Variants in BACE2 observed in about 807,000 individuals in gnomAD.
BACE2 encodes 56 kDa aspartic-like protease.
Under a neutral mutation model 46.2 loss-of-function variants are expected in BACE2, and 17 were observed. That is an observed-to-expected ratio of 0.37 (90% CI 0.25 to 0.55). The LOEUF (loss-of-function observed/expected upper bound fraction) is 0.55, where lower values mean the gene tolerates loss of function less well. Ranked by LOEUF, BACE2 falls within the 20% of genes least tolerant of loss-of-function variation. The pLI is 0.82. For missense variants in BACE2, 595 were observed against 698.1 expected, an observed-to-expected ratio of 0.85 and a Z score of 1.66; for synonymous variants, 277 against 295.9, an observed-to-expected ratio of 0.94 and a Z score of 0.66.
intron 8 of BACE2, among the ~76,000 whole-genome samples, chr21:41,262,440 A>G (rs886104921): frequency 6.6e-6 from 1 of 151,056 alleles, no homozygotes; most frequent in Non-Finnish European, 1.5e-5. Context: ...AGTTTTATTT[A>G]TTTTTTTTTA....
intron 1 of BACE2, among the ~76,000 whole-genome samples, chr21:41,170,957 G>A (rs1281342663): frequency 6.6e-6 from 1 of 152,140 alleles, no homozygotes; most frequent in Non-Finnish European, 1.5e-5. Flanking sequence ...ACTGAAGCTC[G>A]GAGAGACTGA....
At chr21:41,227,844 G>A (rs1039984210) in intron 2 of BACE2, among the ~76,000 whole-genome samples, 1 of 152,144 alleles carries the variant, frequency 6.6e-6, no homozygotes, top group Admixed American at 6.5e-5. Context: ...CAGAGGTTTG[G>A]TTTACGATGG....
intron 1 of BACE2, chr21:41,181,665 T>C (rs1215031643): frequency 2.4e-5 from 4 of 166,946 alleles, no homozygotes; most frequent in African/African-American, 9.7e-5. Flanking sequence ...ATTCCGATAA[T>C]AGTGGTCAGG....
intron 2 of BACE2, among the ~76,000 whole-genome samples, chr21:41,232,125 G>C (rs1038067402): frequency 1.3e-5 from 2 of 151,690 alleles, no homozygotes; most frequent in Non-Finnish European, 2.9e-5. Flanking sequence ...ATAGAAGTTC[G>C]GTCTTTCAGT....
intron 2 of BACE2, among the ~76,000 whole-genome samples, chr21:41,232,690 C>G (rs1318354350): frequency 1.3e-5 from 2 of 152,084 alleles, no homozygotes; most frequent in Non-Finnish European, 2.9e-5. Context: ...TACTGTGTCC[C>G]CCTTCGCCCT....
chr21:41,211,163 C>G (rs565965068), intron 1 of BACE2, among the ~76,000 whole-genome samples: 1 of 144,008 alleles, frequency 6.9e-6, no homozygotes, highest in African/African-American at 2.6e-5. Context: ...CATCCCCATT[C>G]CCCCCTCCCC....
chr21:41,174,857 G>T (rs1001828456), intron 1 of BACE2, among the ~76,000 whole-genome samples: 8 of 152,120 alleles, frequency 5.3e-5, no homozygotes, highest in African/African-American at 1.9e-4. Flanking sequence ...GAGACACTGG[G>T]GTTCATTGTA....
At chr21:41,235,181 GCC>G (rs1987081555) in intron 2 of BACE2, among the ~76,000 whole-genome samples, 1 of 152,158 alleles carries the variant, frequency 6.6e-6, no homozygotes, top group Admixed American at 6.5e-5. Flanking sequence ...ACCCCAGCTG[GCC>G]ACTGTTAATA....
intron 2 of BACE2, among the ~76,000 whole-genome samples, chr21:41,230,667 C>G (rs1254378282): frequency 6.6e-6 from 1 of 152,176 alleles, no homozygotes; most frequent in Non-Finnish European, 1.5e-5. Context: ...CTTCCTGAAA[C>G]ATGTTACAGT....
intron 1 of BACE2, among the ~76,000 whole-genome samples, chr21:41,171,888 C>T (rs1399161036): frequency 1.3e-5 from 2 of 152,192 alleles, no homozygotes; most frequent in Admixed American, 6.5e-5. Flanking sequence ...ATTATTTTGG[C>T]GAATCCTATT....
intron 1 of BACE2, among the ~76,000 whole-genome samples, chr21:41,192,402 T>C (rs148519523): frequency 9.8e-5 from 15 of 152,314 alleles, no homozygotes; most frequent in Non-Finnish European, 1.6e-4. Context: ...CATTTGATGA[T>C]GGAATGCTGC....
chr21:41,218,431 T>C (rs1367344278), intron 1 of BACE2, among the ~76,000 whole-genome samples: 1 of 152,134 alleles, frequency 6.6e-6, no homozygotes, highest in African/African-American at 2.4e-5. Context: ...GGGAAGATGG[T>C]GTCCAACTTT....
In BACE2 at chr21:41,193,981, A is replaced by G. The variant is rs1985656427; in HGVS notation, c.312+25406A>G. On this transcript the variant is annotated intron_variant, in intron 1 of 8. Transcript: ENST00000330333. The surrounding 1 kb of genome is among the most constrained non-coding windows in gnomAD (Gnocchi z 4.2). ...GAAGGATGGGAGAAAGATTCACTGC[A>G]TACATTGTCGGTAATGTAGTGGGGT... is the stretch of plus-strand genomic sequence containing the variant. Among the ~76,000 whole-genome samples, 1 of 152,188 alleles carries G rather than the reference A, an allele frequency of 6.6e-6. No homozygotes were observed. The highest frequency in any genetic ancestry group is 2.4e-5 in the African/African-American group (1 of 41,440).
At chr21:41,266,520 T>C (rs1431015441) in intron 8 of BACE2, among the ~76,000 whole-genome samples, 1 of 152,280 alleles carries the variant, frequency 6.6e-6, no homozygotes, top group Non-Finnish European at 1.5e-5. Flanking sequence ...GGGATTTGCA[T>C]ACCAGGTTGT....
chr21:41,179,389 G>T (rs774114117), intron 1 of BACE2: 1 of 1,323,468 alleles, frequency 7.6e-7, no homozygotes, highest in Non-Finnish European at 1.0e-6. Flanking sequence ...AGGGTATCCA[G>T]GGTGAGTGAG....
intron 2 of BACE2, among the ~76,000 whole-genome samples, chr21:41,227,529 G>A (rs1487021842): frequency 6.6e-6 from 1 of 152,178 alleles, no homozygotes; most frequent in Non-Finnish European, 1.5e-5. Context: ...GTATATCTAT[G>A]CTACCTACAC....
At chr21:41,209,480 C>G (rs1034190427) in intron 1 of BACE2, among the ~76,000 whole-genome samples, 10 of 152,204 alleles carry the variant, frequency 6.6e-5, no homozygotes, top group Admixed American at 2.6e-4. Context: ...GAATGCCAGT[C>G]TGGTGGATAA....
intron 1 of BACE2, among the ~76,000 whole-genome samples, chr21:41,220,689 A>C (rs1986614524): frequency 6.6e-6 from 1 of 151,020 alleles, no homozygotes; most frequent in Non-Finnish European, 1.5e-5. Flanking sequence ...CCAGATAATA[A>C]ATTATTATAT....
At chr21:41,222,099 G>A (rs1254801611) in intron 1 of BACE2, among the ~76,000 whole-genome samples, 6 of 152,186 alleles carry the variant, frequency 3.9e-5, no homozygotes, top group South Asian at 2.1e-4. Context: ...TTGTAGAGTT[G>A]AGCAAGTCAG....
Sources: allele counts gnomAD v4.1 joint callset (sites outside exome capture counted in the v4.1 genomes callset), GRCh38; gene constraint gnomAD v4.1.1; non-coding constraint Gnocchi (gnomAD v3.1); transcripts MANE v1.5; gene names NCBI Gene and HGNC (gene_info 2026-07-23, HGNC 2026-07-21).